AKAP9: variants seen among roughly 807,000 people sequenced by gnomAD.
The protein encoded by AKAP9 is A-kinase anchor protein 9.
A neutral mutation model predicts 488.5 loss-of-function variants in AKAP9; 311 were observed. The ratio of observed to expected loss-of-function variants is 0.64; its 90% CI spans 0.58 to 0.70. The LOEUF is 0.70. AKAP9 is among the 30% of genes least tolerant of loss of function. The pLI, the probability that AKAP9 is intolerant of heterozygous loss-of-function variation, is 0.00. For missense variants in AKAP9, 4,215 were observed against 4,374.5 expected, an observed-to-expected ratio of 0.96 and a Z score of 1.03; for synonymous variants, 1,462 against 1,483.5, an observed-to-expected ratio of 0.99 and a Z score of 0.33.
At chr7:92,020,099 C>T (rs1802117016) in intron 12 of AKAP9, among the ~76,000 whole-genome samples, 1 of 152,006 alleles carries the variant, frequency 6.6e-6, no homozygotes, top group Non-Finnish European at 1.5e-5. Context: ...GTCTTTTCTG[C>T]ACAAGGGGTA....
chr7:92,062,477 G>A lies in AKAP9; in HGVS notation c.5968G>A (p.Val1990Ile), dbSNP rs767058162. The change falls in exon 24 of 50, where the codon GTT (valine) becomes ATT (isoleucine). Residue 1990 changes from valine (V) to isoleucine (I), a missense_variant. By Grantham distance (29) the Val-to-Ile change is conservative. Around this residue, in one of 5 missense-constraint regions of AKAP9, gnomAD observed 2,361 missense variants for 2,430.0 expected, o/e 0.97. Transcript: ENST00000356239. ...AGCTATGAAAGCAGAGGCAGGCCCA[G>A]TTGAACAACGTAAGTATTTTCAGAA... The part of the protein sequence containing the change: ...KEAMKAEAGP[V>I]EQQLLQETEK... 1.9e-6 allele frequency: 3 copies of A among 1,612,616 alleles called. No individual in the cohort carries two copies. Among genetic ancestry groups the A allele is most frequent in the Non-Finnish European group, 2.5e-6 (3 of 1,179,098 alleles).
chr7:92,010,884 C>G (rs1438715777), intron 8 of AKAP9, among the ~76,000 whole-genome samples: 1 of 152,062 alleles, frequency 6.6e-6, no homozygotes, highest in Non-Finnish European at 1.5e-5. Context: ...AATTCCTAGA[C>G]TCAAGCAATA....
chr7:91,996,170 A>G (rs1310194481), intron 7 of AKAP9: 2 of 257,888 alleles, frequency 7.8e-6, no homozygotes, highest in South Asian at 7.8e-5. Context: ...AATTGAATGT[A>G]GTCAGTTATC....
At chr7:91,983,216 G>A (rs1020232833) in intron 3 of AKAP9, among the ~76,000 whole-genome samples, 6 of 151,896 alleles carry the variant, frequency 4.0e-5, no homozygotes, top group Admixed American at 3.3e-4. Flanking sequence ...GCCACCCCAC[G>A]ACAGGCCCCC....
intron 10 of AKAP9, 79 bp downstream of exon 10, chr7:92,014,407 G>T (rs1801215267): frequency 9.5e-7 from 1 of 1,055,474 alleles, no homozygotes; most frequent in Non-Finnish European, 1.4e-6. Context: ...AGGCTGAGGT[G>T]GTCAGATCAC....
intron 2 of AKAP9, among the ~76,000 whole-genome samples, chr7:91,975,900 T>C (rs1464513261): frequency 1.6e-5 from 2 of 122,664 alleles, no homozygotes; most frequent in Non-Finnish European, 3.4e-5. Flanking sequence ...TTTAGTTTAT[T>C]GGTTTGTTTT....
At position 91,941,123 on chromosome 7, in the gene AKAP9, G is replaced by A. The variant is rs1394849857; in HGVS notation, c.24G>A (p.Lys8=). ...CCATGGAGGACGAGGAGAGACAGAA[G>A]AAGCTGGAGGCCGGCAAAGCCAAGG... is the stretch of plus-strand genomic sequence containing the variant. The part of the protein sequence containing the change: MEDEERQ[K]KLEAGKAKLA... The change falls in exon 1 of 50, where the codon AAG becomes AAA. Residue 8 remains lysine (K), a synonymous_variant. Coordinates refer to ENST00000356239, the MANE Select transcript of AKAP9 (RefSeq NM_005751.5). 1.9e-6 allele frequency: 3 copies of A among 1,614,132 alleles called. No individual in the cohort carries two copies. Among genetic ancestry groups the A allele is most frequent in the East Asian group, 2.2e-5 (1 of 44,872 alleles).
At chr7:91,981,205 C>G (rs1796365699) in intron 3 of AKAP9, among the ~76,000 whole-genome samples, 1 of 152,164 alleles carries the variant, frequency 6.6e-6, no homozygotes, top group African/African-American at 2.4e-5. Flanking sequence ...TTTAAAATCA[C>G]TGCTTAAAAT....
rs894509103 is a variant in AKAP9 at position 92,029,974 on chromosome 7, A to G, written c.4228A>G (p.Ile1410Val). ...CCCTGGAAGTTGTGTGAAAAAGAATATTGATGGTACAATAGAGGTATTATA... is the reference window on the plus strand; with the variant it reads ...CCCTGGAAGTTGTGTGAAAAAGAATGTTGATGGTACAATAGAGGTATTATA... ...MYPGSCVKKNIDGTIEFSGEF... is the reference protein window; with the variant it reads ...MYPGSCVKKNVDGTIEFSGEF... The change falls in exon 15 of 50, where the codon ATT becomes GTT. Residue 1410 changes from isoleucine (I) to valine (V), a missense_variant. Transcript: ENST00000356239. 6.2e-6 allele frequency: 10 copies of G among 1,607,452 alleles called. No individual in the cohort carries two copies. The highest frequency in any genetic ancestry group is 1.1e-5 in the South Asian group (1 of 90,902).
At chr7:91,950,355 C>G (rs1185064283) in intron 1 of AKAP9, among the ~76,000 whole-genome samples, 1 of 151,810 alleles carries the variant, frequency 6.6e-6, no homozygotes, top group South Asian at 2.1e-4. Context: ...TCAGCCTCCC[C>G]AGCAGCTGGG....
In AKAP9 at chr7:92,026,798, C is replaced by G. The variant is rs575596606; in HGVS notation, c.4149-3097C>G. Reference sequence around the variant, plus strand: ...GCATCTCTGCCTGGCCGCCCATCATCTGGGATGTGAGGAGCCCCTCTGCCC... The same window carrying G: ...GCATCTCTGCCTGGCCGCCCATCATGTGGGATGTGAGGAGCCCCTCTGCCC... On this transcript the variant is annotated intron_variant, in intron 14 of 49. Transcript: ENST00000356239. Among the ~76,000 whole-genome samples, 691 of 150,870 alleles carry G rather than the reference C, an allele frequency of 4.6e-3. 2 individuals are homozygous for G. Among genetic ancestry groups the G allele is most frequent in the African/African-American group, 0.016 (664 of 41,014 alleles).
Position 92,042,127 on chromosome 7 carries a change from T to C in AKAP9, c.4999T>C (p.Ser1667Pro), listed in dbSNP as rs550448097. ...GGAGCTGGAAGCACTAAAGCAGCTG[T>C]CTTTAGCTGGAAGAGAGAAGCTGTG... Reference protein sequence around the residue: ...LEELEALKQLSLAGREKLCCE... With the variant: ...LEELEALKQLPLAGREKLCCE... The change falls in exon 19 of 50, where the codon TCT becomes CCT. Residue 1667 changes from serine to proline, a missense_variant. Ser to Pro is a moderately conservative substitution (Grantham distance 74). This residue lies in a region of AKAP9 where 2,361 missense variants were observed against 2,430.0 expected (regional missense o/e 0.97). Coordinates refer to ENST00000356239, the MANE Select transcript of AKAP9 (RefSeq NM_005751.5). 24 of 1,614,038 alleles carry C rather than the reference T, an allele frequency of 1.5e-5. No individual in the cohort carries two copies. In the Admixed American group the frequency reaches 4.0e-4, roughly 27 times the overall value.
At chr7:92,034,494 A>ATT (rs1161686473) in intron 16 of AKAP9, among the ~76,000 whole-genome samples, 6 of 89,688 alleles carry the variant, frequency 6.7e-5, no homozygotes, top group African/African-American at 1.9e-4. Flanking sequence ...ATATATATAT[A>ATT]TATATTTTTT....
intron 8 of AKAP9, 145 bp downstream of exon 8, chr7:92,003,380 C>T: frequency 1.5e-6 from 1 of 652,162 alleles, no homozygotes; most frequent in Non-Finnish European, 2.5e-6. Flanking sequence ...TTGAGCCTAT[C>T]ATTTATTTAT....
intron 7 of AKAP9, among the ~76,000 whole-genome samples, chr7:91,997,087 G>T (rs569199933): frequency 1.3e-5 from 2 of 152,324 alleles, no homozygotes; most frequent in Admixed American, 6.5e-5. Flanking sequence ...AATAGGGAAT[G>T]TACAAATTGA....
chr7:92,032,790 G>GT (rs1271697984), intron 16 of AKAP9, among the ~76,000 whole-genome samples: 1 of 152,024 alleles, frequency 6.6e-6, no homozygotes, highest in Admixed American at 6.6e-5. Flanking sequence ...TCAATGTCTA[G>GT]TTCTTGGAGG....
intron 8 of AKAP9, among the ~76,000 whole-genome samples, chr7:92,010,635 A>G (rs895793341): frequency 7.9e-5 from 12 of 152,196 alleles, no homozygotes; most frequent in Non-Finnish European, 1.0e-4. Flanking sequence ...CTGGGATTAC[A>G]GGAGTGAGCC....
chr7:92,072,650 A>T (rs1811902045), intron 28 of AKAP9, among the ~76,000 whole-genome samples: 1 of 152,202 alleles, frequency 6.6e-6, no homozygotes, highest in Admixed American at 6.5e-5. Flanking sequence ...GAACTCTAAA[A>T]GAAAGGAGTT....
At chr7:92,076,465 A>G (rs1300835641) in intron 28 of AKAP9, among the ~76,000 whole-genome samples, 1 of 152,238 alleles carries the variant, frequency 6.6e-6, no homozygotes, top group Non-Finnish European at 1.5e-5. Context: ...GGCTAACAAA[A>G]CAAACAGTTC....
Sources: allele counts gnomAD v4.1 joint callset (sites outside exome capture counted in the v4.1 genomes callset), GRCh38; gene constraint gnomAD v4.1.1; regional missense constraint gnomAD v4.1.1; transcripts MANE v1.5; gene names NCBI Gene and HGNC (gene_info 2026-07-23, HGNC 2026-07-21).